PTBP3: variants seen among roughly 807,000 people sequenced by gnomAD.
The protein encoded by PTBP3 is polypyrimidine tract-binding protein 3.
PTBP3 carries 20 observed loss-of-function variants against 58.7 expected under a neutral mutation model. That is an observed-to-expected ratio of 0.34 (90% CI 0.24 to 0.50). The LOEUF is 0.50. PTBP3 is among the 20% of genes least tolerant of loss of function. The pLI is 0.98. For synonymous variants in PTBP3, 185 were observed against 219.8 expected, an observed-to-expected ratio of 0.84 and a Z score of 1.40; for missense variants, 509 against 637.2, an observed-to-expected ratio of 0.80 and a Z score of 2.17.
chr9:112,372,306 T>A, the PTBP3 span, among the ~76,000 whole-genome samples: 1 of 152,154 alleles, frequency 6.6e-6, no homozygotes, highest in African/African-American at 2.4e-5. Flanking sequence ...CTTGAACTCC[T>A]GGCTTCAAGC....
At chr9:112,304,825 ATTTTGCCCAGGCTG>A (rs1284402805) in intron 1 of PTBP3, among the ~76,000 whole-genome samples, 1 of 152,032 alleles carries the variant, frequency 6.6e-6, no homozygotes. Context: ...GACTCTTGCT[ATTTTGCCCAGGCTG>A]CATCACAATT....
At chr9:112,246,692 CAAAAAAAAAAAAA>C (rs1835891947) in intron 7 of PTBP3, among the ~76,000 whole-genome samples, 2 of 107,220 alleles carry the variant, frequency 1.9e-5, no homozygotes, top group South Asian at 5.9e-4. Context: ...GACTCTGTCT[CAAAAAAAAAAAAA>C]GAAAAAGAAA....
chr9:112,290,229 A>C (rs948624243), intron 2 of PTBP3, among the ~76,000 whole-genome samples: 1 of 152,232 alleles, frequency 6.6e-6, no homozygotes, highest in African/African-American at 2.4e-5. Flanking sequence ...ACCCAATAGA[A>C]GAATAGGCAA....
chr9:112,282,189 G>T (rs146396251), intron 2 of PTBP3, among the ~76,000 whole-genome samples: 1 of 152,108 alleles, frequency 6.6e-6, no homozygotes, highest in East Asian at 1.9e-4. Context: ...ATTCTGGGAG[G>T]ATACAAACAT....
chr9:112,249,820 A>C (rs1394579682), intron 7 of PTBP3, among the ~76,000 whole-genome samples: 1 of 104,230 alleles, frequency 9.6e-6, no homozygotes, highest in Non-Finnish European at 1.8e-5. Context: ...AATTTGCCCC[A>C]GTATTTTTTT....
chr9:112,223,428 T>G lies in PTBP3; in HGVS notation c.*423A>C. On this transcript the variant is annotated 3_prime_UTR_variant, in exon 14 of 14. Coordinates refer to ENST00000374257, the MANE Select transcript of PTBP3 (RefSeq NM_001163788.4). ...ATAAGGTTAATAACTTGGTCATAAG[T>G]GATTTAAATTACTTACATCAAGTAA... The G allele has an allele frequency of 1.1e-6, 1 of 920,320 alleles. No individual in the cohort carries two copies. The highest frequency in any genetic ancestry group is 1.3e-6 in the Non-Finnish European group (1 of 768,186). The allele number at this position is 920,320 out of a possible 1,614,324, so 57.0% of individuals were successfully genotyped here.
At position 112,222,479 on chromosome 9, in the gene PTBP3, G is replaced by A; in HGVS notation, c.*1372C>T. 3 of 985,510 alleles carry A rather than the reference G, an allele frequency of 3.0e-6. No homozygotes were observed. The South Asian group carries it at 1.4e-4, about 46-fold the overall frequency. 61.0% of individuals were successfully genotyped at this position (985,510 alleles called of 1,614,324 possible). A position where few individuals can be genotyped will look rare whatever the true frequency, so the allele number is the denominator to read the frequency against. ...GAGACAAATTCTGATGGGTGAAAAA[G>A]ATGAAACTGAGATTGCACTCTACAG... is the stretch of plus-strand genomic sequence containing the variant. On this transcript the variant is annotated 3_prime_UTR_variant, in exon 14 of 14. Transcript: ENST00000374257.
intron 7 of PTBP3, among the ~76,000 whole-genome samples, chr9:112,238,205 A>G (rs1479339462): frequency 2.6e-5 from 4 of 152,222 alleles, no homozygotes; most frequent in Admixed American, 2.6e-4. Flanking sequence ...TTTAAATAGT[A>G]TGTTTGAAAA....
chr9:112,221,892 G>A lies in PTBP3; in HGVS notation c.*1959C>T, dbSNP rs1834820299. ...ATTAATCACTGGAATACAGCAAAGA[G>A]ATTGAGATTTTCTTAATTTTTACTT... On this transcript the variant is annotated 3_prime_UTR_variant, in exon 14 of 14. Transcript: ENST00000374257. 1.0e-6 allele frequency: 1 copy of A among 982,360 alleles called. No individual in the cohort carries two copies. The highest frequency in any genetic ancestry group is 6.2e-5 in the Admixed American group (1 of 16,258). The allele number at this position is 982,360 out of a possible 1,614,324, so 60.9% of individuals were successfully genotyped here. A position where few individuals can be genotyped will look rare whatever the true frequency, so the allele number is the denominator to read the frequency against.
chr9:112,254,122 CTGG>C (rs1564408209), intron 5 of PTBP3, among the ~76,000 whole-genome samples: 1 of 152,050 alleles, frequency 6.6e-6, no homozygotes, highest in Non-Finnish European at 1.5e-5. Flanking sequence ...TCCCAAGTAG[CTGG>C]GACTACACCA....
rs1036961337 is a variant in PTBP3, at chr9:112,231,488, T to C, written c.1021-75A>G. ...GAAAATAAGTTTATTTATACTGTAATGGCAGTTGATTTTATTTTAAAGCAT... is the reference window on the plus strand; with the variant it reads ...GAAAATAAGTTTATTTATACTGTAACGGCAGTTGATTTTATTTTAAAGCAT... On this transcript the variant is annotated intron_variant, in intron 9 of 13. Transcript: ENST00000374257. The C allele has an allele frequency of 1.9e-5, 23 of 1,207,986 alleles. 1 individual carries two copies. In the Admixed American group the frequency reaches 3.3e-4, roughly 17 times the overall value. 74.8% of individuals were successfully genotyped at this position (1,207,986 alleles called of 1,614,324 possible).
At chr9:112,288,662 T>C (rs1031233898) in intron 2 of PTBP3, among the ~76,000 whole-genome samples, 1 of 152,228 alleles carries the variant, frequency 6.6e-6, no homozygotes, top group African/African-American at 2.4e-5. Context: ...CTATCATGGT[T>C]GAAAGCAGAA....
At chr9:112,279,523 C>T (rs1372001715) in intron 2 of PTBP3, among the ~76,000 whole-genome samples, 1 of 152,054 alleles carries the variant, frequency 6.6e-6, no homozygotes, top group African/African-American at 2.4e-5. Context: ...AAGACATCCA[C>T]CCACATTTTA....
intron 1 of PTBP3, among the ~76,000 whole-genome samples, chr9:112,320,314 A>ATATATATATTTTTTTTT: frequency 4.0e-5 from 3 of 75,694 alleles, no homozygotes; most frequent in Admixed American, 1.7e-4. Context: ...ATATATATAT[A>ATATATATATTTTTTTTT]TTTTTTTTTA....
chr9:112,318,936 T>A (rs1300845125), intron 1 of PTBP3, among the ~76,000 whole-genome samples: 1 of 151,980 alleles, frequency 6.6e-6, no homozygotes, highest in Non-Finnish European at 1.5e-5. Flanking sequence ...AAGACCAGCC[T>A]GACCAACATG....
chr9:112,235,849 G>A (rs930779357), intron 7 of PTBP3, among the ~76,000 whole-genome samples: 1 of 152,098 alleles, frequency 6.6e-6, no homozygotes, highest in Non-Finnish European at 1.5e-5. Context: ...CTACAGAAAA[G>A]AGGAAGAGAC....
intron 1 of PTBP3, among the ~76,000 whole-genome samples, chr9:112,320,325 A>ATATATATATATATTTTTTTTTTT (rs1829893496): frequency 2.5e-5 from 1 of 39,364 alleles, no homozygotes; most frequent in East Asian, 4.5e-4. Flanking sequence ...TTTTTTTTTA[A>ATATATATATATATTTTTTTTTTT]GTGTTATCAC....
chr9:112,376,198 C>CGTGT, the PTBP3 span, among the ~76,000 whole-genome samples: 95 of 4,086 alleles, frequency 0.023, 1 homozygote, highest in Middle Eastern at 0.25. Flanking sequence ...TCCTTATATA[C>CGTGT]GTGTGTGTGT....
chr9:112,278,155 T>TA (rs1425454498), intron 2 of PTBP3, among the ~76,000 whole-genome samples: 1 of 152,182 alleles, frequency 6.6e-6, no homozygotes, highest in Non-Finnish European at 1.5e-5. Flanking sequence ...TTTCTTTTTT[T>TA]AAACCACAAA....
Sources: allele counts gnomAD v4.1 joint callset (sites outside exome capture counted in the v4.1 genomes callset), GRCh38; gene constraint gnomAD v4.1.1; transcripts MANE v1.5; gene names NCBI Gene and HGNC (gene_info 2026-07-23, HGNC 2026-07-21).